The following EFR3B variants were observed in gnomAD, a reference collection of about 807,000 sequenced individuals.
EFR3B encodes the protein EFR3 homolog B.
EFR3B carries 64 observed loss-of-function variants against 104.7 expected under a neutral mutation model. The observed-to-expected ratio is 0.61, with a 90% CI of 0.50 to 0.75. EFR3B has a LOEUF of 0.75. Ranked by LOEUF, EFR3B falls within the 30% of genes least tolerant of loss-of-function variation. The probability of loss-of-function intolerance (pLI) is 0.00; values close to 1 mark genes in which losing one functional copy is unlikely to be tolerated. For synonymous variants in EFR3B, 385 were observed against 417.9 expected, an observed-to-expected ratio of 0.92 and a Z score of 0.96; for missense variants, 750 against 1,078.5, an observed-to-expected ratio of 0.70 and a Z score of 4.27.
At chr2:25,103,286 C>T (rs1384995142) in intron 3 of EFR3B, among the ~76,000 whole-genome samples, 1 of 152,210 alleles carries the variant, frequency 6.6e-6, no homozygotes, top group South Asian at 2.1e-4. Flanking sequence ...GGATAATTCC[C>T]CGACCTCATA....
intron 19 of EFR3B, 124 bp from the exon 20 acceptor site, chr2:25,149,570 G>C (rs955533837): frequency 1.0e-6 from 1 of 957,762 alleles, no homozygotes; most frequent in Non-Finnish European, 1.6e-6. Context: ...GTGTCCTGAG[G>C]GACTTCCTGC....
intron 1 of EFR3B, among the ~76,000 whole-genome samples, chr2:25,086,817 T>C (rs1413334199): frequency 6.6e-6 from 1 of 152,184 alleles, no homozygotes; most frequent in Non-Finnish European, 1.5e-5. Context: ...GGTCTTGAAC[T>C]CCTGACCTCA....
chr2:25,132,941 G>C lies in EFR3B; in HGVS notation c.1186G>C (p.Glu396Gln), dbSNP rs1208358196. 1 of 1,551,486 alleles carries C rather than the reference G, an allele frequency of 6.4e-7. No individual in the cohort carries two copies. The highest frequency in any genetic ancestry group is 8.7e-7 in the Non-Finnish European group (1 of 1,146,958). Residue 396 changes from glutamate to glutamine, a missense_variant, in exon 11 of 23, where the codon GAG becomes CAG. Physicochemically the swap from Glu to Gln is conservative, Grantham distance 29. Transcript: ENST00000403714. The stretch of plus-strand genomic sequence containing the variant: ...CACGCTGCCCACCTACCAGCGCTCC[G>C]AGGTGATCCTCTTCATCATGAGCAA... Reference protein sequence around the residue: ...ASTLPTYQRSEVILFIMSKVP... With the variant: ...ASTLPTYQRSQVILFIMSKVP...
intron 5 of EFR3B, among the ~76,000 whole-genome samples, chr2:25,123,425 C>T (rs538800875): frequency 2.0e-5 from 3 of 152,100 alleles, no homozygotes; most frequent in African/African-American, 7.2e-5. Flanking sequence ...GGCAGTAGAC[C>T]GACTCCTGGG....
At chr2:25,140,413 G>A (rs984367005) in intron 16 of EFR3B, among the ~76,000 whole-genome samples, 1 of 152,188 alleles carries the variant, frequency 6.6e-6, no homozygotes, top group African/African-American at 2.4e-5. Context: ...GGAGGGTGCC[G>A]TGACTGTGAC....
At chr2:25,061,185 G>A (rs1444272674) in intron 1 of EFR3B, among the ~76,000 whole-genome samples, 1 of 150,936 alleles carries the variant, frequency 6.6e-6, no homozygotes, top group Non-Finnish European at 1.5e-5. Flanking sequence ...ATGCAGTGGT[G>A]CAATCTTGGC....
At chr2:25,056,954 T>C (rs970744564) in intron 1 of EFR3B, among the ~76,000 whole-genome samples, 2 of 152,144 alleles carry the variant, frequency 1.3e-5, no homozygotes, top group Admixed American at 6.5e-5. Flanking sequence ...CTCTCTCAGC[T>C]TCAGTTTCAC....
At chr2:25,129,898 C>T in intron 6 of EFR3B, 77 bp from the exon 7 acceptor site, 2 of 1,504,806 alleles carry the variant, frequency 1.3e-6, no homozygotes, top group Non-Finnish European at 1.8e-6. Flanking sequence ...GTGGATGAAA[C>T]ACGGAAAGCC....
rs1671102873 is a variant in EFR3B at position 25,154,382 on chromosome 2, AG to A, written c.*46del. ...CTCCTCAAGGAGATGGGGTCTGAGG[AG>A]GGGCTCACCTCACGCCCACCCCGAC... is the stretch of plus-strand genomic sequence containing the variant. On this transcript the variant is annotated 3_prime_UTR_variant, in exon 23 of 23. Coordinates refer to ENST00000403714, the MANE Select transcript of EFR3B (RefSeq NM_014971.2). This position sits in a 1 kb window ranked among gnomAD's most constrained non-coding sequence, Gnocchi z 4.1. 1 of 1,517,670 alleles carries A rather than the reference AG, an allele frequency of 6.6e-7. No individual in the cohort carries two copies. Among genetic ancestry groups the A allele is most frequent in the Non-Finnish European group, 9.0e-7 (1 of 1,116,366 alleles). 94.0% of individuals were successfully genotyped at this position (1,517,670 alleles called of 1,614,324 possible).
In EFR3B at chr2:25,135,548, A is replaced by G; in HGVS notation, c.1393A>G (p.Met465Val). Residue 465 changes from methionine to valine, a missense_variant, in exon 13 of 23, where the codon ATG becomes GTG. Physicochemically the swap from Met to Val is conservative, Grantham distance 21. Coordinates refer to ENST00000403714, the MANE Select transcript of EFR3B (RefSeq NM_014971.2). ...FLDRLLSTAL[M>V]EDAEIRLFVL... ...GGACCGCCTTCTCTCCACCGCCCTC[A>G]TGGAGGATGCAGAAATTCGACTCTT... The G allele has an allele frequency of 6.4e-7, 1 of 1,551,898 alleles. No individual in the cohort carries two copies. Among genetic ancestry groups the G allele is most frequent in the Non-Finnish European group, 8.7e-7 (1 of 1,147,028 alleles).
intron 5 of EFR3B, 71 bp from the exon 6 acceptor site, chr2:25,128,112 T>A (rs756849498): frequency 1.6e-5 from 25 of 1,525,688 alleles, no homozygotes; most frequent in Non-Finnish European, 2.2e-5. Flanking sequence ...TGTGCTCTTC[T>A]CTTAGCCACC....
At chr2:25,133,086 C>T in intron 11 of EFR3B, 72 bp downstream of exon 11, 1 of 1,379,862 alleles carries the variant, frequency 7.2e-7, no homozygotes, top group Non-Finnish European at 1.0e-6. Context: ...CCTCCTTTAT[C>T]CCTCTTAATT....
At chr2:25,116,842 TA>T (rs913479714) in intron 4 of EFR3B, among the ~76,000 whole-genome samples, 1 of 152,088 alleles carries the variant, frequency 6.6e-6, no homozygotes, top group African/African-American at 2.4e-5. Flanking sequence ...GGAAAGGGAT[TA>T]CCACTTATGT....
rs190769627 is a variant in EFR3B at position 25,092,044 on chromosome 2, C to T, written c.84+643C>T. 1.0e-3 allele frequency among the ~76,000 whole-genome samples: 156 copies of T among 151,934 alleles called. 1 individual carries two copies. The highest frequency in any genetic ancestry group is 3.6e-3 in the African/African-American group (148 of 41,464). On this transcript the variant is annotated intron_variant, in intron 2 of 22. Coordinates refer to ENST00000403714, the MANE Select transcript of EFR3B (RefSeq NM_014971.2). The stretch of plus-strand genomic sequence containing the variant: ...CCTTCGTCCTGTGTGTGTCTTGGTG[C>T]CGGCTATCCAACATGCTTTAATTTG...
intron 1 of EFR3B, among the ~76,000 whole-genome samples, chr2:25,064,112 A>G (rs1668268631): frequency 1.3e-5 from 2 of 152,142 alleles, no homozygotes; most frequent in African/African-American, 2.4e-5. Flanking sequence ...TTGCATTTCA[A>G]AAGTGTTGCT....
intron 4 of EFR3B, among the ~76,000 whole-genome samples, chr2:25,112,364 G>A (rs1016188406): frequency 2.0e-5 from 3 of 152,258 alleles, no homozygotes; most frequent in Admixed American, 6.5e-5. Flanking sequence ...GTGTCCTGGG[G>A]CCAGCAAGGA....
Position 25,060,577 on chromosome 2 carries a change from G to A in EFR3B, c.7+18258G>A, listed in dbSNP as rs779885708. Among the ~76,000 whole-genome samples, 172 of 152,216 alleles carry A rather than the reference G, an allele frequency of 1.1e-3. 1 individual carries two copies. The highest frequency in any genetic ancestry group is 2.3e-3 in the Non-Finnish European group (155 of 68,004). Reference sequence around the variant, plus strand: ...GGAGTACCTGTTAGGGGTGGTCTGAGTTAATGGCAAATGGGCTTTTCACCT... The same window carrying A: ...GGAGTACCTGTTAGGGGTGGTCTGAATTAATGGCAAATGGGCTTTTCACCT... On this transcript the variant is annotated intron_variant, in intron 1 of 22. Coordinates refer to ENST00000403714, the MANE Select transcript of EFR3B (RefSeq NM_014971.2).
At chr2:25,073,232 C>A (rs1372999996) in intron 1 of EFR3B, among the ~76,000 whole-genome samples, 1 of 152,170 alleles carries the variant, frequency 6.6e-6, no homozygotes, top group South Asian at 2.1e-4. Flanking sequence ...GACAAAGAAA[C>A]CCACAGAGGG....
Position 25,143,829 on chromosome 2 carries a change from C to A in EFR3B, c.2017C>A (p.Arg673=). The change falls in exon 18 of 23, where the codon CGG becomes AGG. Residue 673 remains arginine (R), a synonymous_variant. Coordinates refer to ENST00000403714, the MANE Select transcript of EFR3B (RefSeq NM_014971.2). ...VLGGSGYNSD[R]LCLPYIPQLT... ...GGGAGGCAGTGGCTACAACTCGGAC[C>A]GGCTCTGCCTGCCCTACATTCCTCA... is the stretch of plus-strand genomic sequence containing the variant. The A allele has an allele frequency of 6.4e-7, 1 of 1,551,624 alleles. No individual in the cohort carries two copies. The highest frequency in any genetic ancestry group is 8.7e-7 in the Non-Finnish European group (1 of 1,146,976).
Sources: allele counts gnomAD v4.1 joint callset (sites outside exome capture counted in the v4.1 genomes callset), GRCh38; gene constraint gnomAD v4.1.1; non-coding constraint Gnocchi (gnomAD v3.1); transcripts MANE v1.5; gene names NCBI Gene and HGNC (gene_info 2026-07-23, HGNC 2026-07-21).